Variants in PJA2 observed in about 807,000 individuals in gnomAD.
The protein encoded by PJA2 is E3 ubiquitin-protein ligase Praja-2.
In PJA2, 25 loss-of-function variants were observed where a neutral mutation model predicts 69.3. That is an observed-to-expected ratio of 0.36 (90% confidence interval 0.26 to 0.50). The LOEUF is 0.50. Ranked by LOEUF, PJA2 falls within the 20% of genes least tolerant of loss-of-function variation. The probability of loss-of-function intolerance (pLI) is 0.96; values close to 1 mark genes in which losing one functional copy is unlikely to be tolerated. For missense variants in PJA2, 809 were observed against 830.2 expected (o/e 0.97, Z 0.31); for synonymous variants, 308 against 277.8 (o/e 1.11, Z -1.08).
At chr5:109,373,273 G>C (rs958892753) in intron 4 of PJA2, among the ~76,000 whole-genome samples, 1 of 152,128 alleles carries the variant, frequency 6.6e-6, no homozygotes, top group African/African-American at 2.4e-5. Context: ...TCAAGATTGA[G>C]AAAAACTCAA....
At chr5:109,394,789 A>G (rs987438024) in intron 1 of PJA2, among the ~76,000 whole-genome samples, 3 of 152,246 alleles carry the variant, frequency 2.0e-5, no homozygotes, top group African/African-American at 7.2e-5. Flanking sequence ...AGAAACACAT[A>G]TATAAAACAA....
In PJA2 at chr5:109,368,354, G is replaced by A. The variant is rs116044357; in HGVS notation, c.1469+207C>T. On this transcript the variant is annotated intron_variant, in intron 5 of 9. Transcript: ENST00000361189. Reference sequence around the variant, plus strand: ...TTAAAGCCAAGTGGAGACATATATTGTATCTCCATAAACGATACTGAAATT... The same window carrying A: ...TTAAAGCCAAGTGGAGACATATATTATATCTCCATAAACGATACTGAAATT... Among the ~76,000 whole-genome samples, 545 of 152,154 alleles carry A rather than the reference G, an allele frequency of 3.6e-3. 4 individuals are homozygous for A. The highest frequency in any genetic ancestry group is 5.8e-3 in the Non-Finnish European group (395 of 68,004).
At position 109,334,981 on chromosome 5, in the gene PJA2, G is replaced by C. The variant is rs1184227690; in HGVS notation, c.*2250C>G. ...TTCATATTATAAGAAATAAGAAAAT[G>C]TTAAAAAAATAAAATTAGGTTAAGT... On this transcript the variant is annotated 3_prime_UTR_variant, in exon 10 of 10. Transcript: ENST00000361189. 4 of 152,254 alleles carry C rather than the reference G, an allele frequency of 2.6e-5. No individual in the cohort carries two copies. The highest frequency in any genetic ancestry group is 5.9e-5 in the Non-Finnish European group (4 of 67,948). 9.4% of individuals were successfully genotyped at this position (152,254 alleles called of 1,614,324 possible).
intron 1 of PJA2, among the ~76,000 whole-genome samples, chr5:109,392,612 A>G (rs1747308298): frequency 6.6e-6 from 1 of 152,034 alleles, no homozygotes; most frequent in African/African-American, 2.4e-5. Context: ...TGATGATGAA[A>G]TTCTGCAGTG....
intron 2 of PJA2, 120 bp from the exon 3 acceptor site, chr5:109,381,823 T>C (rs1391987185): frequency 2.6e-6 from 2 of 780,314 alleles, no homozygotes; most frequent in Non-Finnish European, 2.0e-6. Context: ...CTTCTGAACA[T>C]GAAGTGTACC....
At chr5:109,372,627 C>T (rs1470956717) in intron 4 of PJA2, among the ~76,000 whole-genome samples, 5 of 151,970 alleles carry the variant, frequency 3.3e-5, no homozygotes, top group Non-Finnish European at 7.4e-5. Flanking sequence ...AATATAGGGC[C>T]GGGTGCAGTG....
In PJA2 at chr5:109,379,227, G is replaced by T; in HGVS notation, c.260C>A (p.Ser87Tyr). The T allele has an allele frequency of 6.2e-7, 1 of 1,610,702 alleles. No individual in the cohort carries two copies. The highest frequency in any genetic ancestry group is 8.5e-7 in the Non-Finnish European group (1 of 1,178,566). ...AAATATAGGTTCACTGGGTAAAGAA[G>T]AATCAACTTGATCCAAAGGACTGGA... ...SGSSPLDQVD[S>Y]SLPSEPIFEK... Residue 87 changes from serine (S) to tyrosine (Y), a missense_variant, in exon 4 of 10, where the codon TCT (serine) becomes TAT (tyrosine). Physicochemically the swap from Ser to Tyr is moderately radical, Grantham distance 144. This residue lies in a region of PJA2 where 700 missense variants were observed against 639.5 expected (regional missense o/e 1.09). Transcript: ENST00000361189.
At position 109,363,176 on chromosome 5, in the gene PJA2, T is replaced by C. The variant is rs576034700; in HGVS notation, c.1470-154A>G. Among the ~76,000 whole-genome samples the C allele has an allele frequency of 2.0e-5, 3 of 151,990 alleles. No individual in the cohort carries two copies. In the East Asian group the frequency reaches 5.8e-4, roughly 29 times the overall value. On this transcript the variant is annotated intron_variant, in intron 5 of 9. Coordinates refer to ENST00000361189, the MANE Select transcript of PJA2 (RefSeq NM_014819.5). ...AAACTGTCTTCCTTAACTGCAGAAT[T>C]ATGTAAAAAAAGGAAAGAAATCAGT...
At chr5:109,339,335 T>C (rs1762000245) in intron 9 of PJA2, among the ~76,000 whole-genome samples, 2 of 152,142 alleles carry the variant, frequency 1.3e-5, no homozygotes, top group Admixed American at 1.3e-4. Context: ...AGTTAATGGG[T>C]ATAATGTATG....
At chr5:109,379,383 A>C in intron 3 of PJA2, 129 bp from the exon 4 acceptor site, 1 of 684,284 alleles carries the variant, frequency 1.5e-6, no homozygotes, top group South Asian at 2.0e-5. Context: ...TTTATTTACC[A>C]AGCACTTCTA....
intron 1 of PJA2, among the ~76,000 whole-genome samples, chr5:109,407,262 A>G (rs1308575534): frequency 2.0e-5 from 3 of 152,222 alleles, no homozygotes; most frequent in Non-Finnish European, 4.4e-5. Flanking sequence ...AATATAAACC[A>G]GGGAATACTG....
chr5:109,370,300 A>C (rs1449666498), intron 4 of PJA2, among the ~76,000 whole-genome samples: 1 of 152,176 alleles, frequency 6.6e-6, no homozygotes, highest in Non-Finnish European at 1.5e-5. Flanking sequence ...TACATTTTTG[A>C]AAGGAAGTGA....
At chr5:109,353,403 C>CTAT (rs1173373872) in intron 7 of PJA2, among the ~76,000 whole-genome samples, 14 of 95,252 alleles carry the variant, frequency 1.5e-4, no homozygotes, top group South Asian at 3.6e-4. Context: ...TATTAGATAC[C>CTAT]TATATCTATA....
At chr5:109,405,233 A>C (rs1344272707) in intron 1 of PJA2, among the ~76,000 whole-genome samples, 1 of 152,246 alleles carries the variant, frequency 6.6e-6, no homozygotes, top group African/African-American at 2.4e-5. Context: ...CAACAAAATG[A>C]GCAACATCTT....
At chr5:109,387,791 C>A (rs1449322747) in intron 1 of PJA2, among the ~76,000 whole-genome samples, 1 of 150,150 alleles carries the variant, frequency 6.7e-6, no homozygotes, top group Non-Finnish European at 1.5e-5. Flanking sequence ...ATGTAAGGTA[C>A]ACTTCTCACA....
chr5:109,341,249 G>A (rs1022986806), intron 9 of PJA2, among the ~76,000 whole-genome samples: 6 of 147,966 alleles, frequency 4.1e-5, no homozygotes, highest in South Asian at 2.2e-4. Flanking sequence ...ATCTCTGCCC[G>A]GCCGCCCATC....
In PJA2 at chr5:109,337,356, ACTGG is replaced by A; in HGVS notation, c.2002-4_2002-1del. ...CGGCGGCACACAGGGCATGTTCCCG[ACTGG>A]AGAAAAAAAAAATGTTAAGAGCCAC... On this transcript the variant is annotated splice_acceptor_variant and splice_polypyrimidine_tract_variant and intron_variant, in intron 9 of 9. Coordinates refer to ENST00000361189, the MANE Select transcript of PJA2 (RefSeq NM_014819.5). LOFTEE classifies it high-confidence loss of function. The A allele has an allele frequency of 6.3e-7, 1 of 1,592,186 alleles. No homozygotes were observed. Among genetic ancestry groups the A allele is most frequent in the Admixed American group, 1.8e-5 (1 of 55,256 alleles).
In PJA2 at chr5:109,381,397, C is replaced by T. The variant is rs1422137236; in HGVS notation, c.232+106G>A. ...ATAGAATTTCTTGATAGGAAGTGTG[C>T]TGCATTTACACTCACAGACATGCAT... On this transcript the variant is annotated intron_variant, in intron 3 of 9. Transcript: ENST00000361189. The T allele has an allele frequency of 5.4e-6, 4 of 734,728 alleles. No individual in the cohort carries two copies. The South Asian group carries it at 7.8e-5, about 14-fold the overall frequency. 45.5% of individuals were successfully genotyped at this position (734,728 alleles called of 1,614,324 possible). A position where few individuals can be genotyped will look rare whatever the true frequency, so the allele number is the denominator to read the frequency against.
intron 3 of PJA2, among the ~76,000 whole-genome samples, chr5:109,379,512 C>A (rs142354650): frequency 1.8e-4 from 28 of 152,308 alleles, no homozygotes; most frequent in Non-Finnish European, 3.7e-4. Context: ...ATCCTAATAT[C>A]TAATGCCTTC....
Sources: allele counts gnomAD v4.1 joint callset (sites outside exome capture counted in the v4.1 genomes callset), GRCh38; gene constraint gnomAD v4.1.1; regional missense constraint gnomAD v4.1.1; transcripts MANE v1.5; gene names NCBI Gene and HGNC (gene_info 2026-07-23, HGNC 2026-07-21).